The following ZNF469 variants were observed in gnomAD, a reference collection of about 807,000 sequenced individuals.
The protein encoded by ZNF469 is zinc finger protein 469.
A neutral mutation model predicts 1.0 loss-of-function variants in ZNF469; 1 was observed. The observed-to-expected ratio is 1.00, with a 90% confidence interval of 0.35 to 4.73. ZNF469 has a LOEUF of 4.73. Ranked by LOEUF, ZNF469 falls within the 30% of genes most tolerant of loss-of-function variation. The probability of loss-of-function intolerance (pLI) is 0.16; values close to 1 mark genes in which losing one functional copy is unlikely to be tolerated. For missense variants in ZNF469, 6,100 were observed against 5,356.3 expected (o/e 1.14, Z -4.33); for synonymous variants, 2,703 against 2,363.4 (o/e 1.14, Z -4.17).
chr16:88,266,663 C>A, the ZNF469 span, among the ~76,000 whole-genome samples: 2 of 152,182 alleles, frequency 1.3e-5, no homozygotes, highest in African/African-American at 4.8e-5. Flanking sequence ...AGTTCACTGG[C>A]GCTGGGAAAG....
At chr16:88,127,216 T>C in the ZNF469 span, among the ~76,000 whole-genome samples, 1 of 152,066 alleles carries the variant, frequency 6.6e-6, no homozygotes, top group Non-Finnish European at 1.5e-5. Context: ...CTGCAGGTTC[T>C]TTCCAGCGTT....
chr16:88,181,904 G>C, the ZNF469 span, among the ~76,000 whole-genome samples: 1 of 152,222 alleles, frequency 6.6e-6, no homozygotes, highest in Non-Finnish European at 1.5e-5. Context: ...GCCAGGAAAA[G>C]AAGTGAAAGG....
the ZNF469 span, among the ~76,000 whole-genome samples, chr16:88,200,940 C>G: frequency 6.6e-6 from 1 of 152,242 alleles, no homozygotes; most frequent in Non-Finnish European, 1.5e-5. Context: ...CCCTGGGGAC[C>G]TCCGGCCCTG....
chr16:88,272,895 C>A, the ZNF469 span, among the ~76,000 whole-genome samples: 2 of 132,442 alleles, frequency 1.5e-5, no homozygotes, highest in African/African-American at 3.0e-5. Context: ...GACGAGTGGA[C>A]GGGTGGATGA....
At chr16:88,147,172 G>A in the ZNF469 span, among the ~76,000 whole-genome samples, 1 of 152,040 alleles carries the variant, frequency 6.6e-6, no homozygotes, top group Non-Finnish European at 1.5e-5. Context: ...GGAGAGACTG[G>A]AGCTGCCACG....
the ZNF469 span, among the ~76,000 whole-genome samples, chr16:88,336,511 C>T: frequency 6.8e-6 from 1 of 146,172 alleles, no homozygotes; most frequent in African/African-American, 2.6e-5. Context: ...CATGCCAATA[C>T]CGCGCATGTT....
chr16:88,227,001 G>A, the ZNF469 span, among the ~76,000 whole-genome samples: 2 of 148,574 alleles, frequency 1.3e-5, no homozygotes, highest in African/African-American at 5.0e-5. Flanking sequence ...GTTTCCACCC[G>A]TGCCTCCTCC....
chr16:88,267,456 G>T, the ZNF469 span, among the ~76,000 whole-genome samples: 1 of 152,238 alleles, frequency 6.6e-6, no homozygotes, highest in African/African-American at 2.4e-5. Context: ...GAGGGGTCCG[G>T]GGGCCAGCTC....
chr16:88,261,463 ACTTGT>A, the ZNF469 span, among the ~76,000 whole-genome samples: 6 of 152,016 alleles, frequency 3.9e-5, no homozygotes, highest in Non-Finnish European at 7.4e-5. The surrounding 1 kb of genome is among the most constrained non-coding windows in gnomAD (Gnocchi z 6.0). Flanking sequence ...GAGGCGGGGG[ACTTGT>A]CTGATGTCAC....
intron 1 of ZNF469, among the ~76,000 whole-genome samples, chr16:88,400,101 C>G (rs1382608927): frequency 6.6e-6 from 1 of 152,232 alleles, no homozygotes; most frequent in African/African-American, 2.4e-5. Flanking sequence ...GCCAGCCGTT[C>G]ATCAGCAGCA....
chr16:88,371,407 G>A, the ZNF469 span, among the ~76,000 whole-genome samples: 2 of 152,240 alleles, frequency 1.3e-5, no homozygotes, highest in African/African-American at 4.8e-5. Context: ...GACAAAGGGT[G>A]TGGCATATGT....
the ZNF469 span, among the ~76,000 whole-genome samples, chr16:88,228,186 CTGTT>C: frequency 1.3e-5 from 2 of 152,262 alleles, no homozygotes; most frequent in South Asian, 2.1e-4. Context: ...TTGGAGGACA[CTGTT>C]TGGCTCACTG....
chr16:88,303,064 A>G, the ZNF469 span, among the ~76,000 whole-genome samples: 1 of 152,156 alleles, frequency 6.6e-6, no homozygotes, highest in African/African-American at 2.4e-5. Flanking sequence ...GTTGAACTCC[A>G]ATCTGACGGC....
the ZNF469 span, among the ~76,000 whole-genome samples, chr16:88,118,602 C>G: frequency 1.3e-5 from 2 of 152,196 alleles, no homozygotes; most frequent in Non-Finnish European, 2.9e-5. Context: ...CTCCTGGAGT[C>G]TCATCTTCCT....
At chr16:88,233,492 C>T in the ZNF469 span, among the ~76,000 whole-genome samples, 2 of 152,208 alleles carry the variant, frequency 1.3e-5, no homozygotes, top group South Asian at 2.1e-4. Context: ...CTTGGATGGG[C>T]CCCAGGCAGC....
At chr16:88,186,001 G>A in the ZNF469 span, among the ~76,000 whole-genome samples, 1 of 152,104 alleles carries the variant, frequency 6.6e-6, no homozygotes, top group Non-Finnish European at 1.5e-5. Flanking sequence ...TCACACATTC[G>A]CACACTCAGA....
the ZNF469 span, among the ~76,000 whole-genome samples, chr16:88,230,190 G>C: frequency 8.1e-4 from 124 of 152,368 alleles, no homozygotes; most frequent in African/African-American, 2.9e-3. Context: ...CCCGCTCGTG[G>C]TTTTCCCAGA....
chr16:88,245,633 G>A, the ZNF469 span, among the ~76,000 whole-genome samples: 9 of 152,344 alleles, frequency 5.9e-5, no homozygotes, highest in East Asian at 7.7e-4. Context: ...CCCAAATCCC[G>A]AAGAGGGGAA....
At chr16:88,229,900 G>A in the ZNF469 span, among the ~76,000 whole-genome samples, 2 of 152,146 alleles carry the variant, frequency 1.3e-5, no homozygotes, top group Admixed American at 1.3e-4. Context: ...CTCTCCCAGG[G>A]GCACGGGGCC....
Sources: allele counts gnomAD v4.1 joint callset (sites outside exome capture counted in the v4.1 genomes callset), GRCh38; gene constraint gnomAD v4.1.1; non-coding constraint Gnocchi (gnomAD v3.1); transcripts MANE v1.5; gene names NCBI Gene and HGNC (gene_info 2026-07-23, HGNC 2026-07-21).